NAV2: variants seen among roughly 807,000 people sequenced by gnomAD.
The protein encoded by NAV2 is neuron navigator 2.
In NAV2, 54 loss-of-function variants were observed where a neutral mutation model predicts 223.2. The ratio of observed to expected loss-of-function variants is 0.24; its 90% confidence interval spans 0.19 to 0.30. The LOEUF (loss-of-function observed/expected upper bound fraction) is 0.30. Ranked by LOEUF, NAV2 falls within the 10% of genes least tolerant of loss-of-function variation. The pLI is 1.00. For missense variants in NAV2, 2,806 were observed against 3,147.5 expected (o/e 0.89, Z 2.60); for synonymous variants, 1,279 against 1,239.3 (o/e 1.03, Z -0.67).
intron 11 of NAV2, among the ~76,000 whole-genome samples, chr11:19,988,442 A>G (rs2050999966): frequency 1.3e-5 from 2 of 152,222 alleles, no homozygotes; most frequent in Non-Finnish European, 2.9e-5. Flanking sequence ...AAAGACAAAA[A>G]AAACAAATGC....
chr11:19,969,580 A>G (rs1347660640), intron 10 of NAV2, among the ~76,000 whole-genome samples: 2 of 152,042 alleles, frequency 1.3e-5, no homozygotes, highest in Non-Finnish European at 1.5e-5. Flanking sequence ...TATATAAACT[A>G]TGGGGTTTTT....
At chr11:20,093,498 A>G (rs946668487) in intron 29 of NAV2, among the ~76,000 whole-genome samples, 1 of 152,162 alleles carries the variant, frequency 6.6e-6, no homozygotes, top group African/African-American at 2.4e-5. Flanking sequence ...GCCTTTCTGA[A>G]TGTAATATAC....
intron 10 of NAV2, among the ~76,000 whole-genome samples, chr11:19,970,270 G>A (rs555768535): frequency 1.3e-5 from 2 of 152,308 alleles, no homozygotes; most frequent in South Asian, 4.2e-4. Flanking sequence ...CTGGGTTCAA[G>A]TGGTTCTCCT....
At chr11:19,677,486 C>A (rs1457135795) in intron 1 of NAV2, among the ~76,000 whole-genome samples, 1 of 152,226 alleles carries the variant, frequency 6.6e-6, no homozygotes, top group Admixed American at 6.5e-5. Flanking sequence ...GAGGAGGAGA[C>A]TGAGGCCCAG....
chr11:19,813,813 C>T (rs910722172), intron 1 of NAV2, among the ~76,000 whole-genome samples: 4 of 152,118 alleles, frequency 2.6e-5, no homozygotes, highest in Admixed American at 2.6e-4. Context: ...TATGGGTTCC[C>T]GCTCGGGGTC....
intron 10 of NAV2, among the ~76,000 whole-genome samples, chr11:19,950,272 A>G (rs1257492866): frequency 6.6e-6 from 1 of 152,222 alleles, no homozygotes; most frequent in Non-Finnish European, 1.5e-5. Flanking sequence ...AATAATAGCT[A>G]ACTCTCCTAT....
chr11:19,645,788 C>T (rs550799656), intron 1 of NAV2, among the ~76,000 whole-genome samples: 1 of 152,118 alleles, frequency 6.6e-6, no homozygotes, highest in East Asian at 1.9e-4. Context: ...ACTGCAATTG[C>T]TTTTGCTCCA....
intron 1 of NAV2, among the ~76,000 whole-genome samples, chr11:19,608,158 C>T (rs1213024993): frequency 1.3e-5 from 2 of 152,194 alleles, no homozygotes; most frequent in Non-Finnish European, 1.5e-5. Context: ...TCCAGCAGAG[C>T]AAATGAGAGG....
chr11:19,918,373 T>C (rs2043983433), intron 6 of NAV2, among the ~76,000 whole-genome samples: 1 of 152,276 alleles, frequency 6.6e-6, no homozygotes, highest in Non-Finnish European at 1.5e-5. Context: ...ACTTTGCTTC[T>C]GGCTTGTCAG....
intron 2 of NAV2, among the ~76,000 whole-genome samples, chr11:19,840,149 TATTA>T (rs2060434554): frequency 6.6e-6 from 1 of 152,246 alleles, no homozygotes; most frequent in South Asian, 2.1e-4. Context: ...TTTGTAATTT[TATTA>T]ATTATTTATT....
At position 20,004,829 on chromosome 11, in the gene NAV2, G is replaced by A. The variant is rs116418987; in HGVS notation, c.2768+20582G>A. ...TTCCTTTTTTCCAATCCTTCTTTTG[G>A]TGCAAGACCTTGAACCCAAGGCAGT... is the stretch of plus-strand genomic sequence containing the variant. On this transcript the variant is annotated intron_variant, in intron 11 of 37. Transcript: ENST00000349880. Among the ~76,000 whole-genome samples the A allele has an allele frequency of 4.9e-3, 744 of 152,122 alleles. 3 individuals carry two copies. Among genetic ancestry groups the A allele is most frequent in the African/African-American group, 0.017 (719 of 41,484 alleles).
At chr11:19,511,920 C>A (rs2043291500) in intron 1 of NAV2, among the ~76,000 whole-genome samples, 1 of 152,190 alleles carries the variant, frequency 6.6e-6, no homozygotes, top group East Asian at 1.9e-4. Flanking sequence ...GCCTGAAAAC[C>A]AAACGCCTGT....
At chr11:20,009,786 GC>G (rs1449581566) in intron 11 of NAV2, among the ~76,000 whole-genome samples, 7 of 151,862 alleles carry the variant, frequency 4.6e-5, no homozygotes, top group African/African-American at 1.7e-4. Context: ...CCTTTTTCTT[GC>G]CTTCCAATCT....
At chr11:19,793,472 G>A (rs7110043) in intron 1 of NAV2, among the ~76,000 whole-genome samples, 48,869 of 151,902 alleles carry the variant, frequency 0.32, 8,485 homozygotes, top group East Asian at 0.7. Context: ...GCATTGATTC[G>A]GTGCCAAAGC....
intron 10 of NAV2, among the ~76,000 whole-genome samples, chr11:19,977,798 CT>C (rs1221334182): frequency 5.2e-4 from 47 of 90,780 alleles, no homozygotes; most frequent in South Asian, 3.1e-3. Context: ...CAACTTTTTT[CT>C]TTTTTTTTTT....
At chr11:20,052,643 A>G (rs748666703) in intron 17 of NAV2, among the ~76,000 whole-genome samples, 31 of 152,340 alleles carry the variant, frequency 2.0e-4, no homozygotes, top group Non-Finnish European at 3.7e-4. Context: ...TTAAAAATTC[A>G]GAATAGAGAT....
chr11:19,838,751 G>A (rs887800138), intron 2 of NAV2, among the ~76,000 whole-genome samples: 3 of 152,176 alleles, frequency 2.0e-5, no homozygotes, highest in African/African-American at 7.2e-5. Context: ...AGCCTCCCGA[G>A]TAGCTGCGAT....
chr11:19,455,296 G>T (rs1424698468), intron 1 of NAV2, among the ~76,000 whole-genome samples: 1 of 152,122 alleles, frequency 6.6e-6, no homozygotes, highest in African/African-American at 2.4e-5. Flanking sequence ...AAAAGTGATG[G>T]GTTGGAAGGT....
rs2057806961 is a variant in NAV2, at chr11:20,049,918, C to T, written c.4436+17C>T. On this transcript the variant is annotated intron_variant, in intron 16 of 37. Coordinates refer to ENST00000349880, the MANE Select transcript of NAV2 (RefSeq NM_145117.5). ...ACAGGACAGGTAATGACATTGCAGG[C>T]CGGGGACCAACCGAGCCTCTAGGTT... 7 of 1,613,286 alleles carry T rather than the reference C, an allele frequency of 4.3e-6. No homozygotes were observed. Among genetic ancestry groups the T allele is most frequent in the Non-Finnish European group, 5.9e-6 (7 of 1,179,244 alleles).
Sources: gnomAD v4.1 joint callset for allele counts (sites outside exome capture counted in the v4.1 genomes callset) on GRCh38, gnomAD v4.1.1 for gene constraint, MANE v1.5 for transcripts, NCBI Gene and HGNC (gene_info 2026-07-23, HGNC 2026-07-21) for gene names.